NCK1: variants seen among roughly 807,000 people sequenced by gnomAD.
NCK1 encodes NCK adaptor protein 1.
A neutral mutation model predicts 36.6 loss-of-function variants in NCK1; 19 were observed. That is an observed-to-expected ratio of 0.52 (90% CI 0.36 to 0.76). NCK1 has a LOEUF of 0.76. Among genes scored for constraint, NCK1 ranks in the 30% least tolerant of loss-of-function variants. The pLI is 0.00. For synonymous variants in NCK1, 165 were observed against 156.0 expected (o/e 1.06, Z -0.43); for missense variants, 358 against 445.6 (o/e 0.80, Z 1.77).
chr3:136,913,514 C>T (rs563870660), intron 1 of NCK1, among the ~76,000 whole-genome samples: 7 of 152,258 alleles, frequency 4.6e-5, no homozygotes, highest in East Asian at 3.9e-4. Flanking sequence ...GCAGTCCTCC[C>T]GCTTTGGCCT....
rs200116556 is a variant in NCK1, at chr3:136,867,120, G to T, written c.-19+4767G>T. 4.6e-4 allele frequency among the ~76,000 whole-genome samples: 12 copies of T among 26,264 alleles called. 3 individuals carry two copies. The highest frequency in any genetic ancestry group is 1.5e-3 in the African/African-American group (11 of 7,300). 17.2% of individuals were successfully genotyped at this position (26,264 alleles called of 152,430 possible). On this transcript the variant is annotated intron_variant, in intron 1 of 3. Transcript: ENST00000481752. ...TCTTTCTTTCTTTCTTTCTTTCTTT[G>T]TTTCTTTCTTTCCTTCCTTCCTTCC...
intron 1 of NCK1, among the ~76,000 whole-genome samples, chr3:136,891,406 A>G (rs548630448): frequency 2.0e-4 from 30 of 152,354 alleles, no homozygotes; most frequent in African/African-American, 7.2e-4. Context: ...AAGTGCTGGG[A>G]TTACAGGCAT....
At chr3:136,886,278 A>G (rs1304525617) in intron 1 of NCK1, among the ~76,000 whole-genome samples, 1 of 151,848 alleles carries the variant, frequency 6.6e-6, no homozygotes, top group Non-Finnish European at 1.5e-5. Flanking sequence ...AAACTTGGTT[A>G]TGGATAGTAT....
At chr3:136,940,648 G>A (rs552051595) in intron 2 of NCK1, among the ~76,000 whole-genome samples, 112 of 152,128 alleles carry the variant, frequency 7.4e-4, no homozygotes, top group Admixed American at 7.2e-4. Context: ...AGGTTCAAGC[G>A]ATTCTTCTGT....
At chr3:136,890,687 G>A (rs1055931387) in intron 1 of NCK1, among the ~76,000 whole-genome samples, 5 of 152,094 alleles carry the variant, frequency 3.3e-5, no homozygotes, top group African/African-American at 1.2e-4. Context: ...GAGTAATATG[G>A]CTACTGGCAT....
chr3:136,893,358 G>A (rs1420043214), intron 1 of NCK1, among the ~76,000 whole-genome samples: 2 of 150,712 alleles, frequency 1.3e-5, no homozygotes, highest in Non-Finnish European at 3.0e-5. Context: ...CAGGAGTAAG[G>A]TGGTACTGCA....
intron 1 of NCK1, among the ~76,000 whole-genome samples, chr3:136,885,892 C>T (rs1424930600): frequency 1.3e-5 from 2 of 152,130 alleles, no homozygotes. Flanking sequence ...GAATGGCTAA[C>T]TTAAAAGCTT....
chr3:136,916,786 TACTC>T (rs1190792798), intron 1 of NCK1, among the ~76,000 whole-genome samples: 2 of 152,332 alleles, frequency 1.3e-5, no homozygotes, highest in East Asian at 1.9e-4. Flanking sequence ...GTAATTTTGA[TACTC>T]AATAAAAGAG....
At chr3:136,911,261 A>G (rs1337109015) in intron 1 of NCK1, among the ~76,000 whole-genome samples, 1 of 152,198 alleles carries the variant, frequency 6.6e-6, no homozygotes, top group East Asian at 1.9e-4. Flanking sequence ...TCCTTTGGAT[A>G]TATACCCAGA....
intron 1 of NCK1, among the ~76,000 whole-genome samples, chr3:136,918,835 C>T (rs1319799493): frequency 6.6e-6 from 1 of 152,136 alleles, no homozygotes; most frequent in African/African-American, 2.4e-5. Flanking sequence ...CCTTTCTTGG[C>T]CTCATTGTCT....
intron 1 of NCK1, among the ~76,000 whole-genome samples, chr3:136,865,752 A>C (rs1938394009): frequency 6.6e-6 from 1 of 152,246 alleles, no homozygotes; most frequent in African/African-American, 2.4e-5. Context: ...AACAAGGCTA[A>C]ATATGACATT....
chr3:136,890,278 C>T (rs935628758), intron 1 of NCK1, among the ~76,000 whole-genome samples: 10 of 152,280 alleles, frequency 6.6e-5, no homozygotes, highest in East Asian at 5.8e-4. Flanking sequence ...CAGGGCCGGC[C>T]GGCTGCTCTG....
At chr3:136,883,613 G>A (rs1437308907) in intron 1 of NCK1, among the ~76,000 whole-genome samples, 2 of 152,048 alleles carry the variant, frequency 1.3e-5, no homozygotes, top group Admixed American at 6.6e-5. Flanking sequence ...GGTGTCTGTC[G>A]TGCTCACTGT....
intron 1 of NCK1, among the ~76,000 whole-genome samples, chr3:136,880,647 G>T (rs1007768486): frequency 1.3e-5 from 2 of 151,882 alleles, no homozygotes; most frequent in Non-Finnish European, 2.9e-5. Flanking sequence ...TTGTTTTTTT[G>T]AGGCAGGTTC....
chr3:136,933,649 A>G (rs1345656289), intron 2 of NCK1, among the ~76,000 whole-genome samples: 3 of 152,148 alleles, frequency 2.0e-5, no homozygotes, highest in African/African-American at 7.2e-5. Flanking sequence ...AGATCTGAGC[A>G]GTTTCCTTCC....
chr3:136,942,849 C>T (rs1412018805), intron 2 of NCK1, among the ~76,000 whole-genome samples: 1 of 152,212 alleles, frequency 6.6e-6, no homozygotes, highest in African/African-American at 2.4e-5. Context: ...AAAAACCACC[C>T]AGGAAGACTC....
chr3:136,912,162 C>CTTTTTTTTT (rs57596314), intron 1 of NCK1, among the ~76,000 whole-genome samples: 4 of 128,162 alleles, frequency 3.1e-5, no homozygotes, highest in Non-Finnish European at 4.8e-5. Flanking sequence ...ATTATTTTTT[C>CTTTTTTTTT]TTTTTTTTTT....
intron 2 of NCK1, among the ~76,000 whole-genome samples, chr3:136,943,766 C>G (rs1011563328): frequency 6.6e-6 from 1 of 152,064 alleles, no homozygotes; most frequent in African/African-American, 2.4e-5. Flanking sequence ...GACAAGTAAA[C>G]AAGTACAATG....
intron 3 of NCK1, chr3:136,946,957 A>C (rs1348852720): frequency 6.6e-6 from 1 of 152,038 alleles, no homozygotes; most frequent in African/African-American, 2.4e-5. Flanking sequence ...GAATTTGATG[A>C]CACTCATTTT....
Sources: allele counts gnomAD v4.1 joint callset (sites outside exome capture counted in the v4.1 genomes callset), GRCh38; gene constraint gnomAD v4.1.1; transcripts MANE v1.5; gene names NCBI Gene and HGNC (gene_info 2026-07-23, HGNC 2026-07-21).